The following OTOGL variants were observed in gnomAD, a reference collection of about 807,000 sequenced individuals.
The protein encoded by OTOGL is otogelin like.
Under a neutral mutation model 318.5 loss-of-function variants are expected in OTOGL, and 285 were observed. The ratio of observed to expected loss-of-function variants is 0.89; its 90% CI spans 0.81 to 0.99. OTOGL has a LOEUF of 0.99. OTOGL is among the 50% of genes least tolerant of loss of function. The probability of loss-of-function intolerance (pLI) is 0.00; values close to 1 mark genes in which losing one functional copy is unlikely to be tolerated. For missense variants in OTOGL, 2,899 were observed against 2,845.6 expected (o/e 1.02, Z -0.43); for synonymous variants, 987 against 936.5 (o/e 1.05, Z -0.99).
intron 1 of OTOGL, among the ~76,000 whole-genome samples, chr12:80,166,138 G>A (rs1873813999): frequency 6.6e-6 from 1 of 151,908 alleles, no homozygotes; most frequent in Non-Finnish European, 1.5e-5. Context: ...AGATATTAAA[G>A]ATAGCATGTA....
intron 29 of OTOGL, among the ~76,000 whole-genome samples, chr12:80,308,226 T>G (rs1272764395): frequency 7.1e-6 from 1 of 141,000 alleles, no homozygotes; most frequent in Non-Finnish European, 1.5e-5. Context: ...GGCTGCTGGG[T>G]GGAGGGGCTC....
chr12:80,125,442 G>A (rs1870763171), intron 1 of OTOGL, among the ~76,000 whole-genome samples: 1 of 152,172 alleles, frequency 6.6e-6, no homozygotes, highest in Non-Finnish European at 1.5e-5. Context: ...CAGTTTGCCA[G>A]TATTTTATTG....
At chr12:80,109,022 G>A (rs1010925815) in intron 1 of OTOGL, among the ~76,000 whole-genome samples, 3 of 149,214 alleles carry the variant, frequency 2.0e-5, no homozygotes, top group Non-Finnish European at 4.4e-5. Context: ...TTGGCTTTAA[G>A]ACAGCTCTTA....
chr12:80,281,687 T>C (rs541296068), intron 26 of OTOGL, among the ~76,000 whole-genome samples: 55 of 151,976 alleles, frequency 3.6e-4, no homozygotes, highest in African/African-American at 1.3e-3. Flanking sequence ...CAGGTTTTGG[T>C]ATTTCTTTAA....
At chr12:80,265,424 A>G in intron 20 of OTOGL, 1 of 567,290 alleles carries the variant, frequency 1.8e-6, no homozygotes, top group South Asian at 2.3e-5. Flanking sequence ...TAGTTTTGTA[A>G]TAAACGAAAT....
intron 24 of OTOGL, among the ~76,000 whole-genome samples, chr12:80,272,360 G>A (rs1444171363): frequency 6.6e-6 from 1 of 150,538 alleles, no homozygotes; most frequent in Non-Finnish European, 1.5e-5. Flanking sequence ...GTGTGTGTGT[G>A]TGTGTGTGTG....
chr12:80,141,232 T>C (rs1332599984), intron 1 of OTOGL, among the ~76,000 whole-genome samples: 1 of 152,172 alleles, frequency 6.6e-6, no homozygotes, highest in African/African-American at 2.4e-5. Flanking sequence ...ACTCTAGAGA[T>C]AAAAGTAAGC....
intron 1 of OTOGL, among the ~76,000 whole-genome samples, chr12:80,181,189 T>A (rs573178918): frequency 6.6e-6 from 1 of 151,750 alleles, no homozygotes; most frequent in African/African-American, 2.4e-5. Context: ...TAAAAACCAA[T>A]TAGCATACTT....
intron 24 of OTOGL, among the ~76,000 whole-genome samples, chr12:80,274,223 A>G (rs1322875052): frequency 6.6e-6 from 1 of 152,116 alleles, no homozygotes; most frequent in Non-Finnish European, 1.5e-5. Context: ...CTTTTGCAAC[A>G]GTTAGCCAAA....
chr12:80,157,750 G>T (rs1873223141), intron 1 of OTOGL, among the ~76,000 whole-genome samples: 1 of 152,074 alleles, frequency 6.6e-6, no homozygotes. Context: ...GTGTGGATTT[G>T]TTTCTGGGTT....
At chr12:80,126,479 A>G (rs1434796743) in intron 1 of OTOGL, among the ~76,000 whole-genome samples, 1 of 152,112 alleles carries the variant, frequency 6.6e-6, no homozygotes, top group Non-Finnish European at 1.5e-5. Flanking sequence ...CAATTTTGGA[A>G]TAGGTGTGGT....
intron 1 of OTOGL, among the ~76,000 whole-genome samples, chr12:80,164,969 C>A (rs1873746547): frequency 6.6e-6 from 1 of 151,928 alleles, no homozygotes; most frequent in South Asian, 2.1e-4. Context: ...GGATATTCAA[C>A]AAAGATGAAT....
chr12:80,220,569 T>C (rs1017367017), intron 6 of OTOGL, among the ~76,000 whole-genome samples: 2 of 150,626 alleles, frequency 1.3e-5, no homozygotes, highest in Admixed American at 6.6e-5. Flanking sequence ...CTGGACACTT[T>C]GTATGTAAAA....
chr12:80,143,068 G>A lies in OTOGL; in HGVS notation c.-20+43463G>A, dbSNP rs74108519. On this transcript the variant is annotated intron_variant, in intron 1 of 58. Transcript: ENST00000547103. Reference sequence around the variant, plus strand: ...GTATTCCACTCTGGGAAAATAGTTGGGTGGCAAAGGCTGACCTGACCTAAT... The same window carrying A: ...GTATTCCACTCTGGGAAAATAGTTGAGTGGCAAAGGCTGACCTGACCTAAT... 4.7e-3 allele frequency among the ~76,000 whole-genome samples: 722 copies of A among 152,166 alleles called. 5 individuals carry two copies. Among genetic ancestry groups the A allele is most frequent in the African/African-American group, 0.017 (689 of 41,504 alleles).
rs142055911 is a variant in OTOGL at position 80,156,564 on chromosome 12, G to C, written c.-19-52849G>C. ...GTGTTGTGGAAGGGACCCGGTGGGA[G>C]ATAATTGAGTCATGAGGAGAAGTCT... is the stretch of plus-strand genomic sequence containing the variant. On this transcript the variant is annotated intron_variant, in intron 1 of 58. Transcript: ENST00000547103. Among the ~76,000 whole-genome samples the C allele has an allele frequency of 9.9e-4, 150 of 152,278 alleles. 1 individual carries two copies. Among genetic ancestry groups the C allele is most frequent in the African/African-American group, 3.3e-3 (139 of 41,568 alleles).
intron 52 of OTOGL, among the ~76,000 whole-genome samples, chr12:80,360,715 C>T (rs994463780): frequency 6.6e-6 from 1 of 151,890 alleles, no homozygotes; most frequent in African/African-American, 2.4e-5. Context: ...CTCCTTACCT[C>T]GTGATCTGCT....
Position 80,112,705 on chromosome 12 carries a change from C to CTTTTTTTTTTTTTTTT in OTOGL, c.-20+13103_-20+13104insTTTTTTTTTTTTTTTT, listed in dbSNP as rs546093754. Among the ~76,000 whole-genome samples, 9 of 128,670 alleles carry CTTTTTTTTTTTTTTTT rather than the reference C, an allele frequency of 7.0e-5. 1 individual carries two copies. The highest frequency in any genetic ancestry group is 1.9e-4 in the African/African-American group (6 of 32,320). The allele number at this position is 128,670 out of a possible 152,430, so 84.4% of individuals were successfully genotyped here. On this transcript the variant is annotated intron_variant, in intron 1 of 58. Transcript: ENST00000547103. The stretch of plus-strand genomic sequence containing the variant: ...ATTAGGGATATTTGCCTGAAATTTT[C>CTTTTTTTTTTTTTTTT]TTTCTTTTTTTTTTTTTTGTTGTGT...
At chr12:80,333,773 C>T (rs1341443355) in intron 38 of OTOGL, among the ~76,000 whole-genome samples, 4 of 152,020 alleles carry the variant, frequency 2.6e-5, no homozygotes, top group South Asian at 4.2e-4. Flanking sequence ...ATAAGGCAAC[C>T]TCTAAGCAAA....
At chr12:80,112,724 G>A (rs369768385) in intron 1 of OTOGL, among the ~76,000 whole-genome samples, 2 of 73,088 alleles carry the variant, frequency 2.7e-5, no homozygotes, top group Non-Finnish European at 3.0e-5. Context: ...TTTTTTTTTT[G>A]TTGTGTCTCT....
Sources: allele counts gnomAD v4.1 joint callset (sites outside exome capture counted in the v4.1 genomes callset), GRCh38; gene constraint gnomAD v4.1.1; transcripts MANE v1.5; gene names NCBI Gene and HGNC (gene_info 2026-07-23, HGNC 2026-07-21).